Variants in SLC37A2 observed in about 807,000 individuals in gnomAD.
SLC37A2 encodes the protein glucose-6-phosphate exchanger SLC37A2.
Under a neutral mutation model 70.7 loss-of-function variants are expected in SLC37A2, and 59 were observed. The observed-to-expected ratio is 0.83, with a 90% CI of 0.68 to 1.04. SLC37A2 has a LOEUF of 1.04. SLC37A2 is among the 50% of genes least tolerant of loss of function. The pLI, the probability that SLC37A2 is intolerant of heterozygous loss-of-function variation, is 0.00. For missense variants in SLC37A2, 580 were observed against 658.1 expected (o/e 0.88, Z 1.30); for synonymous variants, 257 against 262.1 (o/e 0.98, Z 0.19).
At position 125,088,462 on chromosome 11, in the gene SLC37A2, G is replaced by T. The variant is rs140314425; in HGVS notation, c.*328G>T. 3 of 285,902 alleles carry T rather than the reference G, an allele frequency of 1.0e-5. No individual in the cohort carries two copies. Among genetic ancestry groups the T allele is most frequent in the South Asian group, 1.1e-4 (1 of 9,212 alleles). 17.7% of individuals were successfully genotyped at this position (285,902 alleles called of 1,614,324 possible). ...GCTTGTTCAGATTCCAAGACAGAAG[G>T]CTTCACAAGGCCAACGCCTGGAAAA... On this transcript the variant is annotated 3_prime_UTR_variant, in exon 18 of 18. Coordinates refer to ENST00000403796, the MANE Select transcript of SLC37A2 (RefSeq NM_001145290.2).
chr11:125,065,707 C>CA (rs1948973608), intron 1 of SLC37A2, among the ~76,000 whole-genome samples: 1 of 152,002 alleles, frequency 6.6e-6, no homozygotes, highest in Admixed American at 6.6e-5. Context: ...TACAACATCC[C>CA]GGCAAGGTCT....
At chr11:125,069,666 G>A (rs1949010969) in intron 1 of SLC37A2, among the ~76,000 whole-genome samples, 1 of 152,248 alleles carries the variant, frequency 6.6e-6, no homozygotes, top group African/African-American at 2.4e-5. Flanking sequence ...GACATGGCCT[G>A]TCCCCTGTCT....
rs1436360654 is a variant in SLC37A2 at position 125,080,335 on chromosome 11, G to A, written c.528-279G>A. ...AGATCGTGGGACAGAAGAGAAGAAC[G>A]AGGGCCGGGGCCCCCATGCCCTCAG... is the stretch of plus-strand genomic sequence containing the variant. On this transcript the variant is annotated intron_variant, in intron 6 of 17. Coordinates refer to ENST00000403796, the MANE Select transcript of SLC37A2 (RefSeq NM_001145290.2). The surrounding 1 kb of genome is among the most constrained non-coding windows in gnomAD (Gnocchi z 4.3). Among the ~76,000 whole-genome samples, 2 of 152,194 alleles carry A rather than the reference G, an allele frequency of 1.3e-5. No individual in the cohort carries two copies. Among genetic ancestry groups the A allele is most frequent in the African/African-American group, 4.8e-5 (2 of 41,450 alleles).
intron 7 of SLC37A2, among the ~76,000 whole-genome samples, chr11:125,081,218 G>A (rs1316512878): frequency 1.3e-5 from 2 of 152,106 alleles, no homozygotes; most frequent in African/African-American, 4.8e-5. Flanking sequence ...TGGTTGTTAG[G>A]AAAGCCAGGC....
At chr11:125,071,183 A>G (rs1015716270) in intron 1 of SLC37A2, among the ~76,000 whole-genome samples, 5 of 152,034 alleles carry the variant, frequency 3.3e-5, no homozygotes, top group African/African-American at 1.2e-4. Context: ...CTTCTGGCTC[A>G]GGTCTTGTCC....
In SLC37A2 at chr11:125,079,210, G is replaced by A. The variant is rs1650293132; in HGVS notation, c.413G>A (p.Trp138Ter). Residue 138 changes from tryptophan to a stop codon, truncating the protein, a stop_gained, in exon 5 of 18, where the codon TGG becomes TAG. Transcript: ENST00000403796. LOFTEE classifies it high-confidence loss of function. Reference sequence around the variant, plus strand: ...TCGCTCTTTGGCCTGGGATATTTCTGGAACATCCACGAGCTCTGGTACTTT... The same window carrying A: ...TCGCTCTTTGGCCTGGGATATTTCTAGAACATCCACGAGCTCTGGTACTTT... ...FTSLFGLGYF[W>*]NIHELWYFVV... 6.2e-7 allele frequency: 1 copy of A among 1,614,158 alleles called. No individual in the cohort carries two copies. The highest frequency in any genetic ancestry group is 8.5e-7 in the Non-Finnish European group (1 of 1,180,010).
chr11:125,084,947 C>T (rs553680897), intron 13 of SLC37A2, 74 bp downstream of exon 13: 78 of 1,597,198 alleles, frequency 4.9e-5, no homozygotes, highest in East Asian at 2.7e-4. Context: ...GGCTGGCCCA[C>T]GGGGGGCACT....
Position 125,076,671 on chromosome 11 carries a change from A to G in SLC37A2, c.60-86A>G, listed in dbSNP as rs1949090312. On this transcript the variant is annotated intron_variant, in intron 1 of 17. Transcript: ENST00000403796. ...GTGGTCCTCAGGCCCTGGGACTGCC[A>G]GAGGGGACACGGGTCAGGGATGCCG... is the stretch of plus-strand genomic sequence containing the variant. 3.2e-6 allele frequency: 4 copies of G among 1,249,462 alleles called. No individual in the cohort carries two copies. In the East Asian group the frequency reaches 9.3e-5, roughly 29 times the overall value. The allele number at this position is 1,249,462 out of a possible 1,614,324, so 77.4% of individuals were successfully genotyped here.
chr11:125,072,490 C>T (rs1003317389), intron 1 of SLC37A2, among the ~76,000 whole-genome samples: 3 of 152,180 alleles, frequency 2.0e-5, no homozygotes, highest in African/African-American at 7.2e-5. Flanking sequence ...TGGTCCTTGG[C>T]CTACTTGCCC....
chr11:125,084,089 C>G (rs1269172060), intron 11 of SLC37A2, 145 bp from the exon 12 acceptor site: 1 of 931,076 alleles, frequency 1.1e-6, no homozygotes, highest in Admixed American at 2.0e-5. Flanking sequence ...ATGGGCACTA[C>G]AGGAAGGGGA....
rs914132098 is a variant in SLC37A2, at chr11:125,085,644, G to A, written c.1395G>A (p.Met465Ile). ...CGGGCTGGAACAATGTCTTCTACAT[G>A]CTCATCTCTGCCGACGTCCTAGCCT... ...SPTGWNNVFY[M>I]LISADVLACL... Residue 465 changes from methionine to isoleucine, a missense_variant, in exon 16 of 18, where the codon ATG becomes ATA. Met to Ile is a conservative substitution (Grantham distance 10). Coordinates refer to ENST00000403796, the MANE Select transcript of SLC37A2 (RefSeq NM_001145290.2). 6.2e-7 allele frequency: 1 copy of A among 1,613,516 alleles called. No homozygotes were observed. Among genetic ancestry groups the A allele is most frequent in the Non-Finnish European group, 8.5e-7 (1 of 1,180,012 alleles).
In SLC37A2 at chr11:125,085,107, G is replaced by A. The variant is rs962079924; in HGVS notation, c.1216G>A (p.Ala406Thr). The part of the protein sequence containing the change: ...ICGGLVNGPY[A>T]LITTAVSADL... ...TGGGGGCCTGGTCAATGGCCCATAC[G>A]CGCTCATCACCACTGCTGTCTCTGC... The change falls in exon 14 of 18, where the codon GCG becomes ACG. Residue 406 changes from alanine (A) to threonine (T), a missense_variant. Transcript: ENST00000403796. 6.8e-6 allele frequency: 11 copies of A among 1,613,904 alleles called. No individual in the cohort carries two copies. Among genetic ancestry groups the A allele is most frequent in the East Asian group, 2.2e-5 (1 of 44,898 alleles).
chr11:125,084,847 GC>G lies in SLC37A2; in HGVS notation c.1150del (p.Gln384ArgfsTer8), dbSNP rs762710489. The part of the protein sequence containing the change: ...APMMFLYNYI[G>X]QDGIASSIVM... ...CAGATGTTCCTGTACAACTACATTGGCCAGGACGGGATTGCCAGCTCCATAG... is the reference window on the plus strand; with the variant it reads ...CAGATGTTCCTGTACAACTACATTGGCAGGACGGGATTGCCAGCTCCATAG... On this transcript the variant is annotated frameshift_variant, in exon 13 of 18. Transcript: ENST00000403796. LOFTEE classifies it high-confidence loss of function. 6.2e-7 allele frequency: 1 copy of G among 1,613,598 alleles called. No homozygotes were observed. Among genetic ancestry groups the G allele is most frequent in the South Asian group, 1.1e-5 (1 of 90,926 alleles).
Position 125,085,812 on chromosome 11 carries a change from C to T in SLC37A2, c.1425+138C>T, listed in dbSNP as rs1050147975. 3.2e-6 allele frequency: 4 copies of T among 1,236,898 alleles called. No homozygotes were observed. In the Admixed American group the frequency reaches 5.4e-5, roughly 17 times the overall value. 76.6% of individuals were successfully genotyped at this position (1,236,898 alleles called of 1,614,324 possible). On this transcript the variant is annotated intron_variant, in intron 16 of 17. Coordinates refer to ENST00000403796, the MANE Select transcript of SLC37A2 (RefSeq NM_001145290.2). ...CTGCCCTTTGCTCAGAAGCACTCTC[C>T]CTCCCCCGAGTGACCCCTTGCCAAG...
rs1949274197 is a variant in SLC37A2, at chr11:125,090,434, C to G, written c.*2300C>G. 1 of 152,258 alleles carries G rather than the reference C, an allele frequency of 6.6e-6. No individual in the cohort carries two copies. Among genetic ancestry groups the G allele is most frequent in the African/African-American group, 2.4e-5 (1 of 41,434 alleles). 9.4% of individuals were successfully genotyped at this position (152,258 alleles called of 1,614,324 possible). On this transcript the variant is annotated 3_prime_UTR_variant, in exon 18 of 18. Transcript: ENST00000403796. ...AGATAAGAGAATAAAAGCAGGCTGCCCGAGCCAGCATTGGCAACTCGCTCG... is the reference window on the plus strand; with the variant it reads ...AGATAAGAGAATAAAAGCAGGCTGCGCGAGCCAGCATTGGCAACTCGCTCG...
chr11:125,066,515 A>C lies in SLC37A2; in HGVS notation c.59+3089A>C, dbSNP rs552069755. 1.3e-4 allele frequency among the ~76,000 whole-genome samples: 20 copies of C among 152,346 alleles called. No homozygotes were observed. In the East Asian group the frequency reaches 2.9e-3, roughly 22 times the overall value. On this transcript the variant is annotated intron_variant, in intron 1 of 17. Transcript: ENST00000403796. ...TATCTGTAGGTGACAGAGACTTAAA[A>C]ATTGTTGATTAACTTCTTACTGATA...
rs951572370 is a variant in SLC37A2, at chr11:125,063,340, A to T, written c.-28A>T. On this transcript the variant is annotated 5_prime_UTR_variant, in exon 1 of 18. Coordinates refer to ENST00000403796, the MANE Select transcript of SLC37A2 (RefSeq NM_001145290.2). The surrounding 1 kb of genome is among the most constrained non-coding windows in gnomAD (Gnocchi z 5.4). ...CCCAGCTCTGTAGCCTCCTCCGTCG[A>T]CTCAGCCTTAGGTACCGGTCAGGCA... 1 of 1,602,434 alleles carries T rather than the reference A, an allele frequency of 6.2e-7. No homozygotes were observed. Among genetic ancestry groups the T allele is most frequent in the East Asian group, 2.2e-5 (1 of 44,490 alleles).
intron 1 of SLC37A2, among the ~76,000 whole-genome samples, chr11:125,066,268 G>C (rs1180910039): frequency 1.3e-5 from 2 of 152,234 alleles, no homozygotes; most frequent in Non-Finnish European, 1.5e-5. Context: ...GCCAGGCCCA[G>C]TGGCATGCTT....
Position 125,080,884 on chromosome 11 carries a change from A to G in SLC37A2, c.694+104A>G, listed in dbSNP as rs1489925134. On this transcript the variant is annotated intron_variant, in intron 7 of 17. Coordinates refer to ENST00000403796, the MANE Select transcript of SLC37A2 (RefSeq NM_001145290.2). The surrounding 1 kb of genome is among the most constrained non-coding windows in gnomAD (Gnocchi z 4.3). The stretch of plus-strand genomic sequence containing the variant: ...AGATTGCTGGTCACAGAGTGGGAGG[A>G]CCAGCCGTGTGACTTTGGACAATCT... 5.8e-6 allele frequency: 6 copies of G among 1,031,336 alleles called. No homozygotes were observed. In the Admixed American group the frequency reaches 1.0e-4, roughly 18 times the overall value. The allele number at this position is 1,031,336 out of a possible 1,614,324, so 63.9% of individuals were successfully genotyped here.
Sources: allele counts gnomAD v4.1 joint callset (sites outside exome capture counted in the v4.1 genomes callset), GRCh38; gene constraint gnomAD v4.1.1; non-coding constraint Gnocchi (gnomAD v3.1); transcripts MANE v1.5; gene names NCBI Gene and HGNC (gene_info 2026-07-23, HGNC 2026-07-21).